Variants in MERTK observed in about 807,000 individuals in gnomAD.
MERTK encodes MER proto-oncogene, tyrosine kinase.
Under a neutral mutation model 99.3 loss-of-function variants are expected in MERTK, and 69 were observed. That is an observed-to-expected ratio of 0.70 (90% confidence interval 0.57 to 0.85). MERTK has a LOEUF of 0.85. Among genes scored for constraint, MERTK ranks in the 40% least tolerant of loss-of-function variants. The pLI is 0.00. For missense variants in MERTK, 1,125 were observed against 1,249.4 expected, an observed-to-expected ratio of 0.90 and a Z score of 1.50; for synonymous variants, 426 against 467.6, an observed-to-expected ratio of 0.91 and a Z score of 1.15.
intron 4 of MERTK, among the ~76,000 whole-genome samples, chr2:111,956,670 T>C (rs1452170578): frequency 6.6e-6 from 1 of 152,170 alleles, no homozygotes; most frequent in Non-Finnish European, 1.5e-5. Context: ...TTTGTTGTTG[T>C]TGTGTTTAGA....
At position 112,003,833 on chromosome 2, in the gene MERTK, G is replaced by A. The variant is rs1219552934; in HGVS notation, c.1787-71G>A. The A allele has an allele frequency of 8.2e-6, 11 of 1,339,424 alleles. No individual in the cohort carries two copies. In the East Asian group the frequency reaches 2.5e-4, roughly 31 times the overall value. 83.0% of individuals were successfully genotyped at this position (1,339,424 alleles called of 1,614,324 possible). On this transcript the variant is annotated intron_variant, in intron 12 of 18. Coordinates refer to ENST00000295408, the MANE Select transcript of MERTK (RefSeq NM_006343.3). ...CATACCACATGAAACCAGCAGCTCT[G>A]GCACTGTAGCATTTCTGTGGTCAGG...
intron 6 of MERTK, among the ~76,000 whole-genome samples, chr2:111,970,820 CTCCTCCTCCCTCCTCCTTCTCCTCCT>C (rs1676103241): frequency 1.0e-5 from 1 of 96,462 alleles, no homozygotes; most frequent in Non-Finnish European, 2.2e-5. Context: ...CTCCTCCTCC[CTCCTCCTCCCTCCTCCTTCTCCTCCT>C]TCTCCTCCTC....
At chr2:111,988,645 A>G (rs1218013363) in intron 8 of MERTK, among the ~76,000 whole-genome samples, 5 of 152,212 alleles carry the variant, frequency 3.3e-5, no homozygotes, top group African/African-American at 1.2e-4. Flanking sequence ...AAAGGAACTC[A>G]TTTAACCCTT....
chr2:111,972,124 G>A (rs1055882623), intron 6 of MERTK, among the ~76,000 whole-genome samples: 9 of 152,102 alleles, frequency 5.9e-5, no homozygotes, highest in African/African-American at 9.7e-5. Flanking sequence ...TCTGCCTCCC[G>A]GGTTCAGGCA....
At chr2:111,917,421 T>A (rs919240347) in intron 1 of MERTK, among the ~76,000 whole-genome samples, 3 of 152,090 alleles carry the variant, frequency 2.0e-5, no homozygotes, top group African/African-American at 7.2e-5. Context: ...TAGAGCAGTT[T>A]ATTGTCTAAA....
At chr2:111,926,264 C>T (rs1684566008) in intron 1 of MERTK, among the ~76,000 whole-genome samples, 1 of 152,132 alleles carries the variant, frequency 6.6e-6, no homozygotes, top group Non-Finnish European at 1.5e-5. Flanking sequence ...ATTTGCTTCT[C>T]CCACTTCCCA....
chr2:111,921,328 G>A (rs942784744), intron 1 of MERTK, among the ~76,000 whole-genome samples: 3 of 151,926 alleles, frequency 2.0e-5, no homozygotes, highest in African/African-American at 7.3e-5. Context: ...GGTGAAACTC[G>A]GTCTTTACTA....
At chr2:111,903,045 C>T (rs562791519) in intron 1 of MERTK, among the ~76,000 whole-genome samples, 1 of 152,344 alleles carries the variant, frequency 6.6e-6, no homozygotes, top group African/African-American at 2.4e-5. Flanking sequence ...TCCCAAAGTG[C>T]AGAGATTACA....
chr2:112,009,867 G>T, intron 14 of MERTK, 81 bp from the exon 15 acceptor site: 1 of 1,077,424 alleles, frequency 9.3e-7, no homozygotes. Flanking sequence ...CACGGCTTCA[G>T]TTTTTCCAGT....
rs116319147 is a variant in MERTK at position 111,938,939 on chromosome 2, A to G, written c.483-6021A>G. Among the ~76,000 whole-genome samples the G allele has an allele frequency of 5.4e-3, 825 of 152,254 alleles. 9 individuals are homozygous for G. The highest frequency in any genetic ancestry group is 0.019 in the African/African-American group (796 of 41,522). ...GTGTTAATCTAATAGAATGCTACTC[A>G]TAGCTGTGGTTAAATCAATACCCAG... On this transcript the variant is annotated intron_variant, in intron 2 of 18. Transcript: ENST00000295408.
At chr2:111,931,546 C>T (rs7370418) in intron 2 of MERTK, among the ~76,000 whole-genome samples, 31,805 of 151,974 alleles carry the variant, frequency 0.21, 4,001 homozygotes, top group Middle Eastern at 0.36. Flanking sequence ...ATTAGCTGGG[C>T]GTGGTGGCGC....
chr2:111,987,752 A>G (rs1285503019), intron 8 of MERTK, among the ~76,000 whole-genome samples: 3 of 152,244 alleles, frequency 2.0e-5, no homozygotes, highest in African/African-American at 7.2e-5. Flanking sequence ...CACCATGTAT[A>G]CTGGCAAGTT....
intron 1 of MERTK, among the ~76,000 whole-genome samples, chr2:111,908,438 A>G (rs1684180224): frequency 6.6e-6 from 1 of 152,146 alleles, no homozygotes. Context: ...ACTACAGTGG[A>G]AGTCCCCGGT....
intron 16 of MERTK, among the ~76,000 whole-genome samples, chr2:112,019,888 T>C (rs903920518): frequency 2.6e-5 from 4 of 152,220 alleles, no homozygotes; most frequent in African/African-American, 9.6e-5. Context: ...ATAAAGGCTT[T>C]TCCCTAAGTT....
intron 1 of MERTK, among the ~76,000 whole-genome samples, chr2:111,923,673 G>A (rs1030421502): frequency 1.3e-5 from 2 of 152,174 alleles, no homozygotes; most frequent in Non-Finnish European, 2.9e-5. Context: ...TACAACCAGA[G>A]GCACCCCACT....
intron 15 of MERTK, among the ~76,000 whole-genome samples, chr2:112,014,817 G>A (rs931268330): frequency 3.3e-5 from 5 of 150,424 alleles, no homozygotes; most frequent in Admixed American, 2.0e-4. Flanking sequence ...TTTTGTATTT[G>A]TACTAGAGAC....
chr2:111,908,271 A>G (rs1684176706), intron 1 of MERTK, among the ~76,000 whole-genome samples: 1 of 152,210 alleles, frequency 6.6e-6, no homozygotes, highest in Non-Finnish European at 1.5e-5. Flanking sequence ...ACCAGTAAAT[A>G]GTAAGGCCTT....
chr2:111,979,485 A>C (rs1176732836), intron 7 of MERTK, among the ~76,000 whole-genome samples: 1 of 151,842 alleles, frequency 6.6e-6, no homozygotes, highest in Non-Finnish European at 1.5e-5. Context: ...AAGGGCATTC[A>C]GTGGCCCCTT....
intron 1 of MERTK, among the ~76,000 whole-genome samples, chr2:111,903,717 G>C (rs1684087128): frequency 6.6e-6 from 1 of 152,214 alleles, no homozygotes; most frequent in Non-Finnish European, 1.5e-5. Flanking sequence ...TGTTAACCGG[G>C]ACTGGCTTCT....
Sources: gnomAD v4.1 joint callset for allele counts (sites outside exome capture counted in the v4.1 genomes callset) on GRCh38, gnomAD v4.1.1 for gene constraint, MANE v1.5 for transcripts, NCBI Gene and HGNC (gene_info 2026-07-23, HGNC 2026-07-21) for gene names.